Variants in ZBTB7C observed in about 807,000 individuals in gnomAD.
ZBTB7C encodes zinc finger and BTB domain containing 7C.
In ZBTB7C, 8 loss-of-function variants were observed where a neutral mutation model predicts 25.7. That is an observed-to-expected ratio of 0.31 (90% CI 0.18 to 0.56). ZBTB7C has a LOEUF of 0.56. Among genes scored for constraint, ZBTB7C ranks in the 20% least tolerant of loss-of-function variants. The pLI, the probability that ZBTB7C is intolerant of heterozygous loss-of-function variation, is 0.91. For missense variants in ZBTB7C, 824 were observed against 855.2 expected, an observed-to-expected ratio of 0.96 and a Z score of 0.46; for synonymous variants, 394 against 369.0, an observed-to-expected ratio of 1.07 and a Z score of -0.78.
At chr18:48,295,225 G>A (rs1176386631) in intron 2 of ZBTB7C, among the ~76,000 whole-genome samples, 1 of 152,170 alleles carries the variant, frequency 6.6e-6, no homozygotes, top group African/African-American at 2.4e-5. Flanking sequence ...TAGGTCCAGG[G>A]TGGGCCTGGG....
intron 2 of ZBTB7C, chr18:48,203,471 T>C (rs1052699333): frequency 1.2e-4 from 19 of 152,264 alleles, no homozygotes; most frequent in African/African-American, 4.6e-4. Context: ...GGGTCCACTG[T>C]AGGAATGTTC....
At chr18:48,348,709 C>T (rs1349473239) in intron 1 of ZBTB7C, among the ~76,000 whole-genome samples, 2 of 152,220 alleles carry the variant, frequency 1.3e-5, no homozygotes, top group Non-Finnish European at 2.9e-5. Flanking sequence ...CCCCGCTACT[C>T]GGGAGGCTGA....
chr18:48,284,776 G>C (rs896579631), intron 2 of ZBTB7C, among the ~76,000 whole-genome samples: 11 of 135,290 alleles, frequency 8.1e-5, no homozygotes, highest in African/African-American at 1.1e-4. Context: ...AGGAAACAGA[G>C]TGAGACTCGG....
chr18:48,127,630 T>C (rs2039847821), intron 3 of ZBTB7C, among the ~76,000 whole-genome samples: 1 of 152,202 alleles, frequency 6.6e-6, no homozygotes, highest in Non-Finnish European at 1.5e-5. Context: ...GGCCCCACTG[T>C]TCTCCCCTCG....
chr18:48,260,229 A>G (rs548954215), intron 2 of ZBTB7C, among the ~76,000 whole-genome samples: 1 of 152,364 alleles, frequency 6.6e-6, no homozygotes, highest in East Asian at 1.9e-4. Context: ...TGAGTGAGAG[A>G]AACTGCATAA....
chr18:48,369,076 G>C (rs903381077), intron 1 of ZBTB7C, among the ~76,000 whole-genome samples: 1 of 152,160 alleles, frequency 6.6e-6, no homozygotes, highest in Admixed American at 6.5e-5. Context: ...ATATTTGACA[G>C]TTGAAGCAAA....
intron 3 of ZBTB7C, among the ~76,000 whole-genome samples, chr18:48,110,848 T>C (rs1272359357): frequency 6.6e-6 from 1 of 152,002 alleles, no homozygotes. Context: ...TGGAACCACG[T>C]TCTTGGGGGA....
intron 3 of ZBTB7C, among the ~76,000 whole-genome samples, chr18:48,110,285 A>T (rs2144661919): frequency 6.6e-6 from 1 of 152,078 alleles, no homozygotes; most frequent in African/African-American, 2.4e-5. Context: ...CCACTCCCTG[A>T]CCACATCTGT....
At chr18:48,308,669 T>C (rs909223086) in intron 2 of ZBTB7C, among the ~76,000 whole-genome samples, 1 of 152,274 alleles carries the variant, frequency 6.6e-6, no homozygotes, top group Non-Finnish European at 1.5e-5. Flanking sequence ...ACTGTCAATG[T>C]CTGTACTTGT....
At chr18:48,310,890 C>T (rs533046636) in intron 2 of ZBTB7C, among the ~76,000 whole-genome samples, 71 of 152,354 alleles carry the variant, frequency 4.7e-4, no homozygotes, top group Middle Eastern at 6.8e-3. Flanking sequence ...CATCAGCTGG[C>T]CCCTGGCTGC....
chr18:48,136,860 C>T (rs1478438304), intron 3 of ZBTB7C: 1 of 750,092 alleles, frequency 1.3e-6, no homozygotes, highest in Non-Finnish European at 1.6e-6. Flanking sequence ...CCACAGGGTC[C>T]CCGCAGCGCG....
chr18:48,038,335 G>T (rs1250297430), intron 4 of ZBTB7C, among the ~76,000 whole-genome samples: 1 of 152,040 alleles, frequency 6.6e-6, no homozygotes, highest in East Asian at 1.9e-4. Flanking sequence ...ATGCTGTCTG[G>T]GGTTCCCCTC....
chr18:48,100,344 C>A (rs1322614424), intron 3 of ZBTB7C, among the ~76,000 whole-genome samples: 3 of 152,126 alleles, frequency 2.0e-5, no homozygotes, highest in African/African-American at 7.2e-5. Flanking sequence ...GACCTCCCCA[C>A]GGGGTGAAGA....
chr18:48,325,386 C>A (rs1598875171), intron 2 of ZBTB7C, among the ~76,000 whole-genome samples: 1 of 152,284 alleles, frequency 6.6e-6, no homozygotes. Flanking sequence ...TGGCAGTTGG[C>A]CATTGCATTG....
chr18:48,217,983 A>G (rs1373015240), intron 2 of ZBTB7C, among the ~76,000 whole-genome samples: 7 of 152,122 alleles, frequency 4.6e-5, no homozygotes, highest in African/African-American at 1.7e-4. Flanking sequence ...ACCACAGCAA[A>G]GGCCAAGGTG....
Position 48,167,251 on chromosome 18 carries a change from C to T in ZBTB7C, c.-17+18683G>A, listed in dbSNP as rs535708501. ...CCTTCACTTCCCCTCCCAGTCCAAC[C>T]TGCCCCTCCCACAGGCCCCAGCCTA... On this transcript the variant is annotated intron_variant, in intron 3 of 4. Coordinates refer to ENST00000590800, the MANE Select transcript of ZBTB7C (RefSeq NM_001318841.2). 2.0e-5 allele frequency among the ~76,000 whole-genome samples: 3 copies of T among 152,288 alleles called. No homozygotes were observed. The East Asian group carries it at 5.8e-4, about 29-fold the overall frequency.
intron 4 of ZBTB7C, among the ~76,000 whole-genome samples, chr18:48,037,557 G>C (rs1251317754): frequency 6.6e-6 from 1 of 152,248 alleles, no homozygotes; most frequent in Non-Finnish European, 1.5e-5. Flanking sequence ...TGCACAGACT[G>C]TCCAGACCTG....
At chr18:48,329,505 T>C (rs1428907212) in intron 2 of ZBTB7C, among the ~76,000 whole-genome samples, 1 of 152,182 alleles carries the variant, frequency 6.6e-6, no homozygotes, top group Non-Finnish European at 1.5e-5. Context: ...CAACCAAAAG[T>C]ACAACCCAAG....
chr18:48,154,187 G>A (rs570651960), intron 3 of ZBTB7C, among the ~76,000 whole-genome samples: 12 of 152,352 alleles, frequency 7.9e-5, no homozygotes, highest in Middle Eastern at 3.4e-3. Context: ...ACAGACAGGC[G>A]TGACCAGGGG....
Sources: gnomAD v4.1 joint callset for allele counts (sites outside exome capture counted in the v4.1 genomes callset) on GRCh38, gnomAD v4.1.1 for gene constraint, MANE v1.5 for transcripts, NCBI Gene and HGNC (gene_info 2026-07-23, HGNC 2026-07-21) for gene names.